The following FGD6 variants were observed in gnomAD, a reference collection of about 807,000 sequenced individuals.
FGD6 encodes FYVE, RhoGEF and PH domain-containing protein 6.
Under a neutral mutation model 149.4 loss-of-function variants are expected in FGD6, and 90 were observed. The observed-to-expected ratio is 0.60, with a 90% confidence interval of 0.51 to 0.72. The LOEUF (loss-of-function observed/expected upper bound fraction) is 0.72, where lower values mean the gene tolerates loss of function less well. FGD6 is among the 30% of genes least tolerant of loss of function. The probability of loss-of-function intolerance (pLI) is 0.00; values close to 1 mark genes in which losing one functional copy is unlikely to be tolerated. For synonymous variants in FGD6, 527 were observed against 584.0 expected, an observed-to-expected ratio of 0.90 and a Z score of 1.41; for missense variants, 1,437 against 1,684.8, an observed-to-expected ratio of 0.85 and a Z score of 2.57.
chr12:95,098,044 G>T (rs1490283482), intron 14 of FGD6, among the ~76,000 whole-genome samples: 3 of 152,092 alleles, frequency 2.0e-5, no homozygotes, highest in African/African-American at 7.2e-5. Context: ...CTAAGCTAAT[G>T]GTGCCCAAAT....
chr12:95,100,445 A>G lies in FGD6; in HGVS notation c.3497+4562T>C, dbSNP rs188942906. ...AGCCCCAGACTACTAACAAAAGCAC[A>G]AACAGGACTGCCCAGACCAGCTGGC... is the stretch of plus-strand genomic sequence containing the variant. On this transcript the variant is annotated intron_variant, in intron 14 of 20. Coordinates refer to ENST00000343958, the MANE Select transcript of FGD6 (RefSeq NM_018351.4). The G allele has an allele frequency of 1.4e-5, 4 of 280,672 alleles. No homozygotes were observed. In the Admixed American group the frequency reaches 1.9e-4, roughly 14 times the overall value. 17.4% of individuals were successfully genotyped at this position (280,672 alleles called of 1,614,324 possible). A position where few individuals can be genotyped will look rare whatever the true frequency, so the allele number is the denominator to read the frequency against.
At chr12:95,160,190 T>A (rs1175523467) in intron 3 of FGD6, among the ~76,000 whole-genome samples, 1 of 151,722 alleles carries the variant, frequency 6.6e-6, no homozygotes, top group Non-Finnish European at 1.5e-5. Flanking sequence ...ATTTTTTTTT[T>A]AATTAAAAAA....
chr12:95,132,178 A>AT (rs1462187640), intron 8 of FGD6, among the ~76,000 whole-genome samples: 1 of 152,130 alleles, frequency 6.6e-6, no homozygotes, highest in Non-Finnish European at 1.5e-5. Context: ...AAGAGACGGA[A>AT]TTCTCACTGT....
At chr12:95,126,018 G>A in intron 8 of FGD6, 1 of 1,344,974 alleles carries the variant, frequency 7.4e-7, no homozygotes, top group East Asian at 2.3e-5. Context: ...TACAAAATGG[G>A]CAGCCACACA....
intron 3 of FGD6, among the ~76,000 whole-genome samples, chr12:95,162,063 A>C (rs1880657945): frequency 6.7e-6 from 1 of 148,228 alleles, no homozygotes; most frequent in African/African-American, 2.5e-5. Flanking sequence ...CAGGAATTCA[A>C]GGCCAGCAAG....
At chr12:95,173,333 G>A (rs139429617) in intron 2 of FGD6, among the ~76,000 whole-genome samples, 2 of 152,282 alleles carry the variant, frequency 1.3e-5, no homozygotes, top group East Asian at 1.9e-4. Flanking sequence ...TGCTGCATTA[G>A]AACTACGAGG....
At chr12:95,108,091 C>T (rs920379519) in intron 11 of FGD6, among the ~76,000 whole-genome samples, 8 of 152,104 alleles carry the variant, frequency 5.3e-5, no homozygotes, top group African/African-American at 1.2e-4. Flanking sequence ...CACAAGAAAA[C>T]GATCCCATTA....
chr12:95,101,685 T>TC (rs1878440629), intron 14 of FGD6, among the ~76,000 whole-genome samples: 2 of 142,270 alleles, frequency 1.4e-5, no homozygotes, highest in Non-Finnish European at 1.5e-5. Flanking sequence ...AACTTTCTTT[T>TC]TTTTTTTTTT....
chr12:95,175,824 A>G (rs201448425), intron 2 of FGD6, among the ~76,000 whole-genome samples: 4 of 151,206 alleles, frequency 2.6e-5, no homozygotes, highest in Non-Finnish European at 4.4e-5. Context: ...AAAAAAGAAA[A>G]AAAAAAAGAA....
chr12:95,090,546 T>C (rs1409674573), intron 17 of FGD6, among the ~76,000 whole-genome samples: 1 of 152,178 alleles, frequency 6.6e-6, no homozygotes, highest in Admixed American at 6.5e-5. Context: ...CAAGAGTTAC[T>C]GACCAAATGG....
intron 18 of FGD6, among the ~76,000 whole-genome samples, chr12:95,087,388 TA>T (rs1030833511): frequency 2.0e-5 from 3 of 152,166 alleles, no homozygotes; most frequent in African/African-American, 7.2e-5. Flanking sequence ...CTACCTTATA[TA>T]TGGCCCTGTC....
intron 5 of FGD6, among the ~76,000 whole-genome samples, chr12:95,146,305 G>A (rs1049627935): frequency 1.2e-4 from 19 of 152,166 alleles, no homozygotes; most frequent in South Asian, 1.0e-3. Context: ...TACAACATAT[G>A]TCTGGTTATT....
chr12:95,105,767 T>C (rs1312480640), intron 13 of FGD6, among the ~76,000 whole-genome samples: 2 of 152,216 alleles, frequency 1.3e-5, no homozygotes, highest in African/African-American at 4.8e-5. Context: ...CTCACGCCTG[T>C]AATCTCAGCA....
chr12:95,084,179 A>C (rs1877785016), intron 20 of FGD6, among the ~76,000 whole-genome samples: 1 of 152,246 alleles, frequency 6.6e-6, no homozygotes, highest in Non-Finnish European at 1.5e-5. Context: ...TCATAGAAGG[A>C]GAGGTCAAAT....
At chr12:95,101,237 C>T (rs117037561) in intron 14 of FGD6, among the ~76,000 whole-genome samples, 4,687 of 151,704 alleles carry the variant, frequency 0.031, 132 homozygotes, top group Middle Eastern at 0.097. Context: ...GTCCCAGTGA[C>T]TCGGAAGGCT....
At chr12:95,172,537 G>T in intron 3 of FGD6, 63 bp downstream of exon 3, 1 of 1,385,254 alleles carries the variant, frequency 7.2e-7, no homozygotes, top group Non-Finnish European at 9.7e-7. Flanking sequence ...TGCCTATTAT[G>T]CAGACAAATA....
intron 6 of FGD6, among the ~76,000 whole-genome samples, chr12:95,141,147 C>T (rs768563709): frequency 1.3e-5 from 2 of 151,846 alleles, no homozygotes; most frequent in East Asian, 3.9e-4. Context: ...CGCTGGAACC[C>T]GGGAGGCAGA....
At chr12:95,168,297 AT>A (rs1170978374) in intron 3 of FGD6, among the ~76,000 whole-genome samples, 1 of 152,238 alleles carries the variant, frequency 6.6e-6, no homozygotes, top group African/African-American at 2.4e-5. Flanking sequence ...GCCAGAAACA[AT>A]ATATTTATTG....
intron 5 of FGD6, among the ~76,000 whole-genome samples, chr12:95,144,802 C>T (rs1300688346): frequency 6.6e-6 from 1 of 151,832 alleles, no homozygotes; most frequent in Non-Finnish European, 1.5e-5. Flanking sequence ...ATTTCTCCTG[C>T]CTCAGCCTCC....
Sources: allele counts gnomAD v4.1 joint callset (sites outside exome capture counted in the v4.1 genomes callset), GRCh38; gene constraint gnomAD v4.1.1; transcripts MANE v1.5; gene names NCBI Gene and HGNC (gene_info 2026-07-23, HGNC 2026-07-21).